Variants in RBPMS2 observed in about 807,000 individuals in gnomAD.
RBPMS2 encodes RNA-binding protein with multiple splicing 2.
RBPMS2 carries 14 observed loss-of-function variants against 25.7 expected under a neutral mutation model. That is an observed-to-expected ratio of 0.55 (90% CI 0.36 to 0.85). RBPMS2 has a LOEUF of 0.85. Ranked by LOEUF, RBPMS2 falls within the 40% of genes least tolerant of loss-of-function variation. RBPMS2 has a pLI of 0.01. For synonymous variants in RBPMS2, 127 were observed against 115.6 expected, an observed-to-expected ratio of 1.10 and a Z score of -0.63; for missense variants, 252 against 283.4, an observed-to-expected ratio of 0.89 and a Z score of 0.80.
At chr15:64,771,646 G>A (rs2083894056) in intron 1 of RBPMS2, among the ~76,000 whole-genome samples, 1 of 151,804 alleles carries the variant, frequency 6.6e-6, no homozygotes, top group Admixed American at 6.6e-5. Flanking sequence ...ACCCCAATCT[G>A]GGCAACAGAG....
At chr15:64,775,152 G>A in intron 1 of RBPMS2, 81 bp downstream of exon 1, 1 of 797,412 alleles carries the variant, frequency 1.3e-6, no homozygotes, top group South Asian at 6.2e-5. Flanking sequence ...GGCCCCGCGA[G>A]GCGCGGCAGG....
chr15:64,750,532 C>A, intron 2 of RBPMS2, 151 bp from the exon 3 acceptor site: 2 of 723,796 alleles, frequency 2.8e-6, no homozygotes, highest in African/African-American at 1.7e-5. Flanking sequence ...CCGCCACTGC[C>A]AAACGTCCAC....
intron 6 of RBPMS2, among the ~76,000 whole-genome samples, chr15:64,742,512 G>A (rs1817202580): frequency 6.6e-6 from 1 of 152,216 alleles, no homozygotes; most frequent in Non-Finnish European, 1.5e-5. Flanking sequence ...TCCTCCCTGT[G>A]GGCCAGTCAT....
chr15:64,744,152 A>G (rs1304311107), intron 6 of RBPMS2, among the ~76,000 whole-genome samples: 1 of 152,050 alleles, frequency 6.6e-6, no homozygotes, highest in Non-Finnish European at 1.5e-5. Flanking sequence ...AAAAAAAAAG[A>G]TATAAACAAC....
At chr15:64,762,983 C>G (rs4777571) in intron 1 of RBPMS2, among the ~76,000 whole-genome samples, 112,171 of 150,932 alleles carry the variant, frequency 0.74, 45,334 homozygotes, top group East Asian at 0.96. Flanking sequence ...CTCTGCAGAG[C>G]CAACGTTAGG....
At chr15:64,774,272 C>A (rs10851740) in intron 1 of RBPMS2, among the ~76,000 whole-genome samples, 13 of 152,230 alleles carry the variant, frequency 8.5e-5, no homozygotes, top group Non-Finnish European at 1.9e-4. Context: ...GGCAGGAAGG[C>A]TCTCTCACCC....
intron 6 of RBPMS2, among the ~76,000 whole-genome samples, chr15:64,742,404 G>C (rs1424632274): frequency 6.6e-6 from 1 of 152,206 alleles, no homozygotes; most frequent in Non-Finnish European, 1.5e-5. Context: ...ACCAGTGCCT[G>C]GAAGTTGCCT....
At chr15:64,747,942 A>G (rs987680148) in intron 6 of RBPMS2, among the ~76,000 whole-genome samples, 2 of 152,156 alleles carry the variant, frequency 1.3e-5, no homozygotes, top group Non-Finnish European at 2.9e-5. Flanking sequence ...TCGTCTTGAC[A>G]TCTAACTTTC....
At chr15:64,772,768 G>A (rs2083901539) in intron 1 of RBPMS2, among the ~76,000 whole-genome samples, 1 of 150,780 alleles carries the variant, frequency 6.6e-6, no homozygotes, top group Non-Finnish European at 1.5e-5. Flanking sequence ...GTGCTCATAT[G>A]CCTTTATTTT....
intron 1 of RBPMS2, among the ~76,000 whole-genome samples, chr15:64,768,743 G>T (rs8028589): frequency 2.0e-5 from 3 of 151,432 alleles, no homozygotes; most frequent in Admixed American, 6.6e-5. Context: ...GCTGCTGTGA[G>T]CTATGATCAT....
chr15:64,740,957 G>A lies in RBPMS2; in HGVS notation c.*51C>T, dbSNP rs1298659848. The stretch of plus-strand genomic sequence containing the variant: ...AGTGGGAACTCGGGGCGCCTGTCCC[G>A]GCACCACCACAGATTACCAGAACCA... On this transcript the variant is annotated 3_prime_UTR_variant, in exon 8 of 8. Coordinates refer to ENST00000300069, the MANE Select transcript of RBPMS2 (RefSeq NM_194272.3). 16 of 493,874 alleles carry A rather than the reference G, an allele frequency of 3.2e-5. No homozygotes were observed. The highest frequency in any genetic ancestry group is 9.2e-5 in the South Asian group (4 of 43,376). 30.6% of individuals were successfully genotyped at this position (493,874 alleles called of 1,614,324 possible). A position where few individuals can be genotyped will look rare whatever the true frequency, so the allele number is the denominator to read the frequency against.
chr15:64,770,192 A>G (rs2083883190), intron 1 of RBPMS2, among the ~76,000 whole-genome samples: 1 of 152,126 alleles, frequency 6.6e-6, no homozygotes, highest in Non-Finnish European at 1.5e-5. Context: ...AAAAAGAAAA[A>G]AAAAAGAAAA....
intron 6 of RBPMS2, among the ~76,000 whole-genome samples, chr15:64,743,523 G>A (rs1043872293): frequency 3.9e-5 from 6 of 152,234 alleles, no homozygotes; most frequent in Non-Finnish European, 8.8e-5. Context: ...TCCTCTAGAA[G>A]CCACACAATC....
At chr15:64,772,157 T>A (rs1308824499) in intron 1 of RBPMS2, among the ~76,000 whole-genome samples, 1 of 152,214 alleles carries the variant, frequency 6.6e-6, no homozygotes, top group Non-Finnish European at 1.5e-5. Flanking sequence ...CAACAGCAAC[T>A]GTATTATGAA....
rs564997407 is a variant in RBPMS2, at chr15:64,740,488, G to T, written c.*520C>A. 1.3e-5 allele frequency: 2 copies of T among 152,414 alleles called. No individual in the cohort carries two copies. Among genetic ancestry groups the T allele is most frequent in the African/African-American group, 2.4e-5 (1 of 41,346 alleles). 9.4% of individuals were successfully genotyped at this position (152,414 alleles called of 1,614,324 possible). ...TGAGCCTGGAAGCGTGTGGGGCCAC[G>T]GAACTTGGGCCTCCCTGAAGCGGGG... On this transcript the variant is annotated 3_prime_UTR_variant, in exon 8 of 8. Coordinates refer to ENST00000300069, the MANE Select transcript of RBPMS2 (RefSeq NM_194272.3).
rs180829114 is a variant in RBPMS2 at position 64,765,176 on chromosome 15, G to A, written c.87+10057C>T. 5.6e-4 allele frequency among the ~76,000 whole-genome samples: 74 copies of A among 131,098 alleles called. 1 individual carries two copies. The highest frequency in any genetic ancestry group is 2.0e-3 in the African/African-American group (72 of 35,204). The allele number at this position is 131,098 out of a possible 152,430, so 86.0% of individuals were successfully genotyped here. On this transcript the variant is annotated intron_variant, in intron 1 of 7. Transcript: ENST00000300069. ...CATGAGGCGGAAGTTGCAGTGAGCC[G>A]AGATTGCGCCACTGCACTCCAGCCT...
chr15:64,770,442 G>A (rs2083884948), intron 1 of RBPMS2, among the ~76,000 whole-genome samples: 1 of 152,172 alleles, frequency 6.6e-6, no homozygotes, highest in African/African-American at 2.4e-5. Flanking sequence ...AAATGGTGCA[G>A]AACATATAAC....
At chr15:64,743,574 C>A (rs367913722) in intron 6 of RBPMS2, among the ~76,000 whole-genome samples, 21 of 152,334 alleles carry the variant, frequency 1.4e-4, no homozygotes, top group African/African-American at 5.0e-4. Context: ...TACAGGAGAC[C>A]CCCAGGGGGC....
intron 1 of RBPMS2, among the ~76,000 whole-genome samples, chr15:64,756,936 G>A (rs1238516172): frequency 6.8e-6 from 1 of 147,774 alleles, no homozygotes; most frequent in East Asian, 2.0e-4. Flanking sequence ...CCAAAGTACT[G>A]GCATTATAAG....
Sources: gnomAD v4.1 joint callset for allele counts (sites outside exome capture counted in the v4.1 genomes callset) on GRCh38, gnomAD v4.1.1 for gene constraint, MANE v1.5 for transcripts, NCBI Gene and HGNC (gene_info 2026-07-23, HGNC 2026-07-21) for gene names.